Variants in CADM2 observed in about 807,000 individuals in gnomAD.
CADM2 encodes the protein cell adhesion molecule 2.
CADM2 carries 12 observed loss-of-function variants against 49.8 expected under a neutral mutation model. The observed-to-expected ratio is 0.24, with a 90% CI of 0.15 to 0.39. The LOEUF (loss-of-function observed/expected upper bound fraction) is 0.39, where lower values mean the gene tolerates loss of function less well. CADM2 is among the 10% of genes least tolerant of loss of function. The pLI is 1.00. For synonymous variants in CADM2, 214 were observed against 175.4 expected, an observed-to-expected ratio of 1.22 and a Z score of -1.74; for missense variants, 378 against 492.3, an observed-to-expected ratio of 0.77 and a Z score of 2.20.
chr3:84,964,544 C>T (rs1223282049), intron 1 of CADM2, among the ~76,000 whole-genome samples: 1 of 152,144 alleles, frequency 6.6e-6, no homozygotes, highest in Non-Finnish European at 1.5e-5. Flanking sequence ...GGCTAAGTCA[C>T]CTATTCTGTA....
chr3:85,941,904 T>C (rs1019502404), intron 7 of CADM2, among the ~76,000 whole-genome samples: 1 of 152,086 alleles, frequency 6.6e-6, no homozygotes, highest in South Asian at 2.1e-4. Flanking sequence ...CATGCATAAA[T>C]GTTTAATTTA....
intron 5 of CADM2, among the ~76,000 whole-genome samples, chr3:85,886,765 C>A (rs940285881): frequency 9.2e-5 from 14 of 152,052 alleles, no homozygotes; most frequent in African/African-American, 3.1e-4. Flanking sequence ...GGTTAAACAT[C>A]AATAAATTTG....
chr3:85,451,357 T>C (rs180680666), intron 1 of CADM2, among the ~76,000 whole-genome samples: 1 of 152,236 alleles, frequency 6.6e-6, no homozygotes, highest in Admixed American at 6.5e-5. Context: ...ACATTAATAA[T>C]AATTGTTTTA....
intron 1 of CADM2, among the ~76,000 whole-genome samples, chr3:85,204,989 A>C (rs1219915896): frequency 1.3e-5 from 2 of 151,790 alleles, no homozygotes; most frequent in Admixed American, 1.3e-4. Context: ...CAGATAATAT[A>C]AATATACTTT....
chr3:85,047,711 A>G (rs1366619517), intron 1 of CADM2, among the ~76,000 whole-genome samples: 5 of 152,168 alleles, frequency 3.3e-5, no homozygotes, highest in Non-Finnish European at 7.4e-5. Context: ...ACTTTATCCA[A>G]TGGTCTACTT....
intron 1 of CADM2, among the ~76,000 whole-genome samples, chr3:85,672,284 C>A (rs1202097276): frequency 1.3e-5 from 2 of 151,128 alleles, no homozygotes; most frequent in African/African-American, 2.4e-5. Flanking sequence ...GCTCCGCCTC[C>A]CGGGTTCACG....
chr3:85,389,005 C>T (rs150167386), intron 1 of CADM2, among the ~76,000 whole-genome samples: 8 of 152,196 alleles, frequency 5.3e-5, no homozygotes, highest in African/African-American at 1.4e-4. Context: ...CTCCTATGAT[C>T]GGAGAGAGCT....
At chr3:84,971,694 C>T (rs191874159) in intron 1 of CADM2, among the ~76,000 whole-genome samples, 127 of 152,214 alleles carry the variant, frequency 8.3e-4, no homozygotes, top group African/African-American at 3.0e-3. Flanking sequence ...AAAGATACAA[C>T]AGCATAAGAG....
At chr3:85,080,142 A>G (rs985491065) in intron 1 of CADM2, among the ~76,000 whole-genome samples, 1 of 152,060 alleles carries the variant, frequency 6.6e-6, no homozygotes, top group Non-Finnish European at 1.5e-5. Context: ...AGGTATATCA[A>G]TTAACTTAAA....
chr3:85,103,487 A>G (rs1392513216), intron 1 of CADM2, among the ~76,000 whole-genome samples: 1 of 152,002 alleles, frequency 6.6e-6, no homozygotes, highest in African/African-American at 2.4e-5. Flanking sequence ...TCTATAAGAA[A>G]CTTACAATAC....
intron 1 of CADM2, among the ~76,000 whole-genome samples, chr3:85,397,584 A>G (rs2034856007): frequency 6.6e-6 from 1 of 152,252 alleles, no homozygotes; most frequent in Admixed American, 6.5e-5. Flanking sequence ...TGTTACAACA[A>G]GGAGGAAACT....
At chr3:85,858,919 C>A (rs972246298) in intron 3 of CADM2, among the ~76,000 whole-genome samples, 2 of 152,088 alleles carry the variant, frequency 1.3e-5, no homozygotes, top group East Asian at 3.9e-4. Flanking sequence ...GTTTAGTAAA[C>A]AAATGGATGC....
At chr3:85,802,700 A>T (rs2072126339) in intron 3 of CADM2, among the ~76,000 whole-genome samples, 2 of 152,160 alleles carry the variant, frequency 1.3e-5, no homozygotes, top group Admixed American at 1.3e-4. Flanking sequence ...AAATTAAGTA[A>T]GAAGCTGTAG....
chr3:85,402,415 A>G (rs1436036019), intron 1 of CADM2, among the ~76,000 whole-genome samples: 7 of 152,102 alleles, frequency 4.6e-5, no homozygotes, highest in Admixed American at 4.6e-4. Context: ...GTTTGCTCAC[A>G]TATATTTATT....
At chr3:85,802,515 T>A (rs1304882232) in intron 3 of CADM2, among the ~76,000 whole-genome samples, 2 of 152,172 alleles carry the variant, frequency 1.3e-5, no homozygotes, top group Non-Finnish European at 2.9e-5. Context: ...TGAGTTTTTT[T>A]CTTTCTCCTG....
intron 1 of CADM2, among the ~76,000 whole-genome samples, chr3:85,200,217 G>GAA (rs1231543241): frequency 1.3e-5 from 2 of 151,976 alleles, no homozygotes; most frequent in Non-Finnish European, 2.9e-5. Context: ...GCAGGTTTAA[G>GAA]AAAGGTACAT....
At chr3:85,120,031 T>C (rs1288719908) in intron 1 of CADM2, among the ~76,000 whole-genome samples, 4 of 152,182 alleles carry the variant, frequency 2.6e-5, no homozygotes, top group African/African-American at 7.2e-5. Flanking sequence ...GCAAAGGATA[T>C]GAACAGACAT....
intron 5 of CADM2, among the ~76,000 whole-genome samples, chr3:85,897,281 G>C (rs1188246019): frequency 1.3e-4 from 2 of 14,954 alleles, no homozygotes; most frequent in African/African-American, 3.3e-4. Flanking sequence ...TTTTTTTTTT[G>C]AGACGGAGTC....
At chr3:85,889,729 G>C (rs551963571) in intron 5 of CADM2, among the ~76,000 whole-genome samples, 1 of 152,008 alleles carries the variant, frequency 6.6e-6, no homozygotes, top group Non-Finnish European at 1.5e-5. Context: ...ATTGTAATTT[G>C]TATTTTCAGG....
Sources: allele counts gnomAD v4.1 joint callset (sites outside exome capture counted in the v4.1 genomes callset), GRCh38; gene constraint gnomAD v4.1.1; transcripts MANE v1.5; gene names NCBI Gene and HGNC (gene_info 2026-07-23, HGNC 2026-07-21).